Variants in PRSS41 observed in about 807,000 individuals in gnomAD.
PRSS41 encodes serine protease 41.
PRSS41 carries 37 observed loss-of-function variants against 28.8 expected under a neutral mutation model. That is an observed-to-expected ratio of 1.29 (90% CI 0.99 to 1.69). The LOEUF is 1.69. Among genes scored for constraint, PRSS41 ranks in the 40% most tolerant of loss-of-function variants. PRSS41 has a pLI of 0.00. For synonymous variants in PRSS41, 195 were observed against 163.1 expected, an observed-to-expected ratio of 1.20 and a Z score of -1.49; for missense variants, 431 against 400.7, an observed-to-expected ratio of 1.08 and a Z score of -0.65.
exon 5 of PRSS41, chr16:2,804,482 G>T: frequency 6.4e-7 from 1 of 1,551,592 alleles, no homozygotes. Context: ...CCCTCTAGCC[G>T]TAGTATGATC....
At chr16:2,799,226 C>A in intron 3 of PRSS41, 60 bp from the exon 4 acceptor site, 1 of 1,527,712 alleles carries the variant, frequency 6.5e-7, no homozygotes, top group Non-Finnish European at 8.8e-7. Flanking sequence ...GGGCCTCCAG[C>A]GTGCTCAGGC....
At chr16:2,798,878 C>T in intron 2 of PRSS41, 81 bp from the exon 3 acceptor site, 2 of 1,421,278 alleles carry the variant, frequency 1.4e-6, no homozygotes, top group South Asian at 1.5e-5. Context: ...GCTGCGCGCA[C>T]CCCGGGGCAA....
intron 4 of PRSS41, among the ~76,000 whole-genome samples, chr16:2,803,678 T>C (rs909698347): frequency 1.1e-4 from 17 of 152,252 alleles, no homozygotes; most frequent in African/African-American, 3.9e-4. Context: ...TACTCTCTAG[T>C]GTTCTTTCAT....
chr16:2,802,648 G>C (rs972846068), intron 4 of PRSS41, among the ~76,000 whole-genome samples: 5 of 152,258 alleles, frequency 3.3e-5, no homozygotes, highest in African/African-American at 1.2e-4. Context: ...GGGAGGCCGA[G>C]GCTGGCGGAT....
At chr16:2,801,528 G>T (rs1429148887) in intron 4 of PRSS41, among the ~76,000 whole-genome samples, 1 of 151,454 alleles carries the variant, frequency 6.6e-6, no homozygotes, top group Non-Finnish European at 1.5e-5. Flanking sequence ...TGAGATTAGG[G>T]ATTGGTAATG....
chr16:2,798,604 A>C, intron 1 of PRSS41, 32 bp from the exon 2 acceptor site: 1 of 1,522,590 alleles, frequency 6.6e-7, no homozygotes. Flanking sequence ...CGGGAGGTGG[A>C]GGCCGCGAGG....
At chr16:2,802,809 G>C (rs866703134) in intron 4 of PRSS41, among the ~76,000 whole-genome samples, 1 of 152,088 alleles carries the variant, frequency 6.6e-6, no homozygotes. Flanking sequence ...GCAGTGAGCC[G>C]AGATGGCAGC....
intron 4 of PRSS41, among the ~76,000 whole-genome samples, chr16:2,800,061 T>C (rs1008434843): frequency 2.0e-5 from 3 of 152,304 alleles, no homozygotes; most frequent in Non-Finnish European, 2.9e-5. Context: ...TCATGGAGTG[T>C]AGTTACACAA....
intron 3 of PRSS41, 21 bp downstream of exon 3, chr16:2,799,145 G>A (rs779586215): frequency 8.0e-6 from 12 of 1,507,658 alleles, no homozygotes; most frequent in South Asian, 1.3e-5. Flanking sequence ...GGGGCGGCCG[G>A]GGCCTCAGAC....
At chr16:2,801,910 G>A (rs1474553537) in intron 4 of PRSS41, among the ~76,000 whole-genome samples, 2 of 151,318 alleles carry the variant, frequency 1.3e-5, no homozygotes, top group East Asian at 2.0e-4. Context: ...CTTCCCAGTA[G>A]GGGCGGCCGG....
intron 4 of PRSS41, among the ~76,000 whole-genome samples, chr16:2,801,797 G>GC (rs1469719450): frequency 6.6e-6 from 1 of 151,422 alleles, no homozygotes; most frequent in African/African-American, 2.4e-5. Context: ...ACCTTTCCCC[G>GC]CTTTCTATTC....
Position 2,804,906 on chromosome 16 carries a change from C to T in PRSS41, c.700-8C>T, listed in dbSNP as rs2015682. On this transcript the variant is annotated splice_polypyrimidine_tract_variant and splice_region_variant and intron_variant, in intron 5 of 5. Transcript: ENST00000399677. ...CCCCAGCCTGGGCTCACCCATGCTGCTCCCCAGGGTGACTCAGGTGGACCC... is the reference window on the plus strand; with the variant it reads ...CCCCAGCCTGGGCTCACCCATGCTGTTCCCCAGGGTGACTCAGGTGGACCC... The T allele has an allele frequency of 0.34, 527,527 of 1,573,802 alleles. 91,546 individuals are homozygous for T. Among genetic ancestry groups the T allele is most frequent in the East Asian group, 0.53 (22,609 of 42,454 alleles).
At chr16:2,801,973 A>AC (rs1158141457) in intron 4 of PRSS41, among the ~76,000 whole-genome samples, 22 of 127,390 alleles carry the variant, frequency 1.7e-4, no homozygotes, top group East Asian at 4.7e-4. Flanking sequence ...CGGGGGGCTG[A>AC]CCCCCCCACC....
chr16:2,804,304 C>T, intron 4 of PRSS41, 85 bp from the exon 5 acceptor site: 1 of 1,462,314 alleles, frequency 6.8e-7, no homozygotes. Context: ...CTCCCCACCC[C>T]TATAACACAT....
chr16:2,803,774 G>A (rs1367422605), intron 4 of PRSS41, among the ~76,000 whole-genome samples: 1 of 152,170 alleles, frequency 6.6e-6, no homozygotes, highest in African/African-American at 2.4e-5. Flanking sequence ...ATCTGAGAAT[G>A]TCTTAATTTC....
chr16:2,805,076 C>T, exon 6 of PRSS41: 1 of 1,552,034 alleles, frequency 6.4e-7, no homozygotes. Context: ...CCACAGTACA[C>T]CCAGGCCAAA....
intron 4 of PRSS41, 96 bp from the exon 5 acceptor site, chr16:2,804,290 CCTT>C (rs2069006264): frequency 3.1e-6 from 4 of 1,309,882 alleles, no homozygotes; most frequent in Non-Finnish European, 4.2e-6. Context: ...GTGTCAGGGA[CCTT>C]CTCCCCACCC....
chr16:2,804,745 C>T (rs1251837579), intron 5 of PRSS41, among the ~76,000 whole-genome samples, 169 bp from the exon 6 acceptor site: 3 of 152,240 alleles, frequency 2.0e-5, no homozygotes, highest in Non-Finnish European at 4.4e-5. Flanking sequence ...CCCACCAACC[C>T]CTGGAGGCTG....
intron 4 of PRSS41, 35 bp downstream of exon 4, chr16:2,799,604 G>T: frequency 6.5e-7 from 1 of 1,544,494 alleles, no homozygotes; most frequent in South Asian, 1.2e-5. Context: ...GGGTGATGGG[G>T]GTGCGGGGTG....
Sources: allele counts gnomAD v4.1 joint callset (sites outside exome capture counted in the v4.1 genomes callset), GRCh38; gene constraint gnomAD v4.1.1; transcripts MANE v1.5; gene names NCBI Gene and HGNC (gene_info 2026-07-23, HGNC 2026-07-21).